PPARGC1A: variants seen among roughly 807,000 people sequenced by gnomAD.
PPARGC1A encodes PPARG coactivator 1 alpha.
Under a neutral mutation model 88.7 loss-of-function variants are expected in PPARGC1A, and 25 were observed. The ratio of observed to expected loss-of-function variants is 0.28; its 90% CI spans 0.21 to 0.39. The LOEUF is 0.39. PPARGC1A is among the 10% of genes least tolerant of loss of function. The pLI is 1.00. For synonymous variants in PPARGC1A, 363 were observed against 355.6 expected (o/e 1.02, Z -0.24); for missense variants, 880 against 968.7 (o/e 0.91, Z 1.22).
At chr4:24,271,526 G>A in the PPARGC1A span, among the ~76,000 whole-genome samples, 19 of 151,972 alleles carry the variant, frequency 1.3e-4, no homozygotes, top group African/African-American at 3.6e-4. Flanking sequence ...TACAGGCGCC[G>A]GCCACCACCC....
the PPARGC1A span, among the ~76,000 whole-genome samples, chr4:24,327,643 A>C: frequency 5.3e-5 from 8 of 151,872 alleles, no homozygotes; most frequent in Admixed American, 5.2e-4. Context: ...TCTTACCACA[A>C]GATCTCCCTT....
chr4:24,280,597 C>A, the PPARGC1A span, among the ~76,000 whole-genome samples: 2 of 152,156 alleles, frequency 1.3e-5, no homozygotes, highest in Non-Finnish European at 2.9e-5. Context: ...TGTCTCCCTG[C>A]TAATGAGTAG....
At chr4:24,298,257 T>C in the PPARGC1A span, among the ~76,000 whole-genome samples, 1 of 151,796 alleles carries the variant, frequency 6.6e-6, no homozygotes, top group Admixed American at 6.6e-5. Context: ...GCTTACAAAA[T>C]AATATTGTGT....
At chr4:24,087,037 G>A in the PPARGC1A span, among the ~76,000 whole-genome samples, 18 of 152,060 alleles carry the variant, frequency 1.2e-4, no homozygotes, top group Admixed American at 7.9e-4. Flanking sequence ...CTCAAAAAGG[G>A]GTATCATAAT....
the PPARGC1A span, among the ~76,000 whole-genome samples, chr4:23,917,852 T>C: frequency 2.6e-5 from 4 of 152,244 alleles, no homozygotes; most frequent in Admixed American, 6.5e-5. Context: ...TCCAAATGCA[T>C]GAAAACAAGC....
At chr4:24,126,932 C>T in the PPARGC1A span, among the ~76,000 whole-genome samples, 4 of 152,196 alleles carry the variant, frequency 2.6e-5, no homozygotes, top group African/African-American at 9.6e-5. Context: ...ACATCACACT[C>T]AGCCCTTTTA....
the PPARGC1A span, among the ~76,000 whole-genome samples, chr4:24,241,047 T>C: frequency 6.6e-6 from 1 of 152,200 alleles, no homozygotes; most frequent in Non-Finnish European, 1.5e-5. Flanking sequence ...GCTGTAGGAA[T>C]GGTCAAGACA....
intron 10 of PPARGC1A, among the ~76,000 whole-genome samples, chr4:23,804,866 A>AT (rs1352009958): frequency 6.6e-6 from 1 of 151,892 alleles, no homozygotes; most frequent in African/African-American, 2.4e-5. Flanking sequence ...CAACAATCAC[A>AT]TTTTTTCTGA....
chr4:24,262,706 T>C, the PPARGC1A span, among the ~76,000 whole-genome samples: 1 of 152,132 alleles, frequency 6.6e-6, no homozygotes, highest in African/African-American at 2.4e-5. Flanking sequence ...GAAATGCCTT[T>C]ACTTCTCAAG....
the PPARGC1A span, among the ~76,000 whole-genome samples, chr4:24,471,597 C>G: frequency 6.6e-6 from 1 of 152,192 alleles, no homozygotes; most frequent in Non-Finnish European, 1.5e-5. This position sits in a 1 kb window ranked among gnomAD's most constrained non-coding sequence, Gnocchi z 5.4. Flanking sequence ...ACCAGTGGCC[C>G]GCTGACATCC....
the PPARGC1A span, among the ~76,000 whole-genome samples, chr4:24,018,330 G>T: frequency 6.6e-6 from 1 of 151,940 alleles, no homozygotes; most frequent in Non-Finnish European, 1.5e-5. Flanking sequence ...CAGTAAAAGT[G>T]TTTAAAATGT....
At chr4:24,470,318 ACACACAC>A in the PPARGC1A span, among the ~76,000 whole-genome samples, 1 of 135,452 alleles carries the variant, frequency 7.4e-6, no homozygotes, top group Non-Finnish European at 1.6e-5. The surrounding 1 kb of genome is among the most constrained non-coding windows in gnomAD (Gnocchi z 5.8). Context: ...ACACACACAC[ACACACAC>A]TCTCTCACAC....
At chr4:24,467,030 G>GAAAGAAAGAAAGAAAGAA in the PPARGC1A span, among the ~76,000 whole-genome samples, 1 of 74,406 alleles carries the variant, frequency 1.3e-5, no homozygotes, top group Non-Finnish European at 3.0e-5. Flanking sequence ...AAGAAAGAAA[G>GAAAGAAAGAAAGAAAGAA]AGAAAGAGAG....
chr4:24,077,448 C>T, the PPARGC1A span, among the ~76,000 whole-genome samples: 374 of 152,078 alleles, frequency 2.5e-3, 1 homozygote, highest in African/African-American at 8.2e-3. Context: ...ATATTGATTT[C>T]GAGGTAAGAG....
the PPARGC1A span, among the ~76,000 whole-genome samples, chr4:24,375,514 C>G: frequency 6.6e-6 from 1 of 152,150 alleles, no homozygotes; most frequent in South Asian, 2.1e-4. Flanking sequence ...AAGCAAGAAT[C>G]ATGCTCAGAT....
the PPARGC1A span, among the ~76,000 whole-genome samples, chr4:24,313,104 A>G: frequency 6.6e-6 from 1 of 152,228 alleles, no homozygotes; most frequent in Non-Finnish European, 1.5e-5. Flanking sequence ...ATGATAACAC[A>G]ACAAATAATA....
At chr4:24,467,796 A>G in the PPARGC1A span, among the ~76,000 whole-genome samples, 1 of 152,198 alleles carries the variant, frequency 6.6e-6, no homozygotes, top group African/African-American at 2.4e-5. Flanking sequence ...TGGCTAATTC[A>G]AAACAGTCAC....
At chr4:24,216,755 T>C in the PPARGC1A span, among the ~76,000 whole-genome samples, 1 of 151,882 alleles carries the variant, frequency 6.6e-6, no homozygotes, top group African/African-American at 2.4e-5. Flanking sequence ...AGAAAGAAAA[T>C]CTTACACAAG....
At chr4:24,076,139 A>T in the PPARGC1A span, among the ~76,000 whole-genome samples, 1 of 152,158 alleles carries the variant, frequency 6.6e-6, no homozygotes, top group Non-Finnish European at 1.5e-5. Context: ...GTGCTGCCGC[A>T]ATCCTTTACA....
Sources: allele counts gnomAD v4.1 joint callset (sites outside exome capture counted in the v4.1 genomes callset), GRCh38; gene constraint gnomAD v4.1.1; non-coding constraint Gnocchi (gnomAD v3.1); transcripts MANE v1.5; gene names NCBI Gene and HGNC (gene_info 2026-07-23, HGNC 2026-07-21).